GFY: variants seen among roughly 807,000 people sequenced by gnomAD.
GFY encodes Golgi-associated olfactory signaling regulator.
In GFY, 28 loss-of-function variants were observed where a neutral mutation model predicts 29.1. The ratio of observed to expected loss-of-function variants is 0.96; its 90% CI spans 0.71 to 1.32. GFY has a LOEUF of 1.32. Among genes scored for constraint, GFY ranks in the 40% most tolerant of loss-of-function variants. GFY has a pLI of 0.00. For synonymous variants in GFY, 277 were observed against 274.5 expected (o/e 1.01, Z -0.09); for missense variants, 656 against 661.9 (o/e 0.99, Z 0.10).
rs1268986957 is a variant in GFY at position 49,426,590 on chromosome 19, C to A, written c.160C>A (p.Arg54=). ...GAAGGGTGCTTCTGAAAATTCCAAACGAGATCGCCTTAACCCAGAATTTCC... is the reference window on the plus strand; with the variant it reads ...GAAGGGTGCTTCTGAAAATTCCAAAAGAGATCGCCTTAACCCAGAATTTCC... ...PLKGASENSK[R]DRLNPEFPGT... The change falls in exon 2 of 4, where the codon CGA becomes AGA. Residue 54 remains arginine (R), a synonymous_variant. Coordinates refer to ENST00000610896, the MANE Select transcript of GFY (RefSeq NM_001195256.2). The A allele has an allele frequency of 3.3e-6, 5 of 1,535,992 alleles. No homozygotes were observed. Among genetic ancestry groups the A allele is most frequent in the African/African-American group, 1.4e-5 (1 of 72,970 alleles).
chr19:49,427,062 C>T lies in GFY; in HGVS notation c.632C>T (p.Pro211Leu). 6.5e-7 allele frequency: 1 copy of T among 1,535,716 alleles called. No individual in the cohort carries two copies. The highest frequency in any genetic ancestry group is 8.7e-7 in the Non-Finnish European group (1 of 1,146,802). Residue 211 changes from proline to leucine, a missense_variant, in exon 2 of 4, where the codon CCC (proline) becomes CTC (leucine). Physicochemically the swap from Pro to Leu is moderately conservative, Grantham distance 98. Coordinates refer to ENST00000610896, the MANE Select transcript of GFY (RefSeq NM_001195256.2). ...ACTAACCCTACCAAGACCCCTGACC[C>T]CAAATCCCCAGAAAAGCATGACCTC... ...SNTNPTKTPD[P>L]KSPEKHDLNS...
chr19:49,426,272 C>A (rs1479541498), intron 1 of GFY, 138 bp from the exon 2 acceptor site: 4 of 1,371,608 alleles, frequency 2.9e-6, no homozygotes, highest in African/African-American at 1.5e-5. Context: ...CGATTGGGTT[C>A]TCTTCCCATC....
chr19:49,425,019 A>T (rs1194893998), upstream of GFY, among the ~76,000 whole-genome samples: 1 of 151,808 alleles, frequency 6.6e-6, no homozygotes, highest in Non-Finnish European at 1.5e-5. Flanking sequence ...AGGGACCCAG[A>T]TTCCTATGTT....
In GFY at chr19:49,427,220, A is replaced by G. The variant is rs1337398601; in HGVS notation, c.790A>G (p.Thr264Ala). 6.5e-7 allele frequency: 1 copy of G among 1,535,774 alleles called. No individual in the cohort carries two copies. The highest frequency in any genetic ancestry group is 8.7e-7 in the Non-Finnish European group (1 of 1,146,840). The change falls in exon 2 of 4, where the codon ACC becomes GCC. Residue 264 changes from threonine to alanine, a missense_variant. Transcript: ENST00000610896. ...TEISQTEFPT[T>A]YYQNATDVPR... ...AATTTCCCAAACAGAATTCCCCACA[A>G]CCTACTACCAAAATGCAACAGATGT...
At position 49,427,970 on chromosome 19, in the gene GFY, G is replaced by A; in HGVS notation, c.1208G>A (p.Arg403His). The change falls in exon 3 of 4, where the codon CGT (arginine) becomes CAT (histidine). Residue 403 changes from arginine to histidine, a missense_variant. Transcript: ENST00000610896. Reference protein sequence around the residue: ...ETGVTLVGRPRGAAGGALCLF... With the variant: ...ETGVTLVGRPHGAAGGALCLF... The stretch of plus-strand genomic sequence containing the variant: ...GGCGTGACTCTGGTGGGGCGACCAC[G>A]TGGCGCAGCAGGCGGGGCCCTCTGC... The A allele has an allele frequency of 6.5e-7, 1 of 1,534,916 alleles. No homozygotes were observed. The highest frequency in any genetic ancestry group is 8.7e-7 in the Non-Finnish European group (1 of 1,145,934).
chr19:49,426,347 G>A, intron 1 of GFY, 63 bp from the exon 2 acceptor site: 1 of 1,444,336 alleles, frequency 6.9e-7, no homozygotes, highest in Non-Finnish European at 9.0e-7. Flanking sequence ...GTGGCCTCCG[G>A]GAGTGGGCGG....
chr19:49,426,659 T>A lies in GFY; in HGVS notation c.229T>A (p.Ser77Thr). 2.0e-6 allele frequency: 3 copies of A among 1,535,952 alleles called. No individual in the cohort carries two copies. The highest frequency in any genetic ancestry group is 2.6e-6 in the Non-Finnish European group (3 of 1,146,842). Residue 77 changes from serine (S) to threonine (T), a missense_variant, in exon 2 of 4, where the codon TCC (serine) becomes ACC (threonine). Ser to Thr is a moderately conservative substitution (Grantham distance 58, BLOSUM62 1). Coordinates refer to ENST00000610896, the MANE Select transcript of GFY (RefSeq NM_001195256.2). The stretch of plus-strand genomic sequence containing the variant: ...GCCTTCCAAGCTACCTCATACGGTT[T>A]CCCTGGAAACCTTCCCACTTGACTT... Reference protein sequence around the residue: ...PEPSKLPHTVSLETFPLDFTE... With the variant: ...PEPSKLPHTVTLETFPLDFTE...
chr19:49,425,086 AGAGGACTGGAGTTCT>A (rs1018810105), upstream of GFY, among the ~76,000 whole-genome samples: 4 of 151,694 alleles, frequency 2.6e-5, no homozygotes, highest in African/African-American at 9.7e-5. Context: ...GGAAGGAGCT[AGAGGACTGGAGTTCT>A]GAGTCTGGGG....
rs115434553 is a variant in GFY, at chr19:49,428,516, C to T, written c.1358-103C>T. ...AAATGCAGAATCGGAATCCTCTCTCCGGCCTCCTGATCGGTCGGCCGCACA... is the reference window on the plus strand; with the variant it reads ...AAATGCAGAATCGGAATCCTCTCTCTGGCCTCCTGATCGGTCGGCCGCACA... On this transcript the variant is annotated intron_variant, in intron 3 of 3. Transcript: ENST00000610896. 4.4e-4 allele frequency: 377 copies of T among 859,312 alleles called. 1 individual carries two copies. The African/African-American group carries it at 5.6e-3, about 13-fold the overall frequency. The allele number at this position is 859,312 out of a possible 1,614,324, so 53.2% of individuals were successfully genotyped here. A position where few individuals can be genotyped will look rare whatever the true frequency, so the allele number is the denominator to read the frequency against.
Position 49,428,928 on chromosome 19 carries a change from G to A in GFY, c.*110G>A, listed in dbSNP as rs1360877102. ...CCGGATAAAGGGTCTAATATACAGA[G>A]ATGCTTGCGCTGTGATCAGAGAACA... On this transcript the variant is annotated 3_prime_UTR_variant, in exon 4 of 4. Coordinates refer to ENST00000610896, the MANE Select transcript of GFY (RefSeq NM_001195256.2). The A allele has an allele frequency of 1.3e-5, 9 of 676,926 alleles. No individual in the cohort carries two copies. The East Asian group carries it at 2.6e-4, about 20-fold the overall frequency. The allele number at this position is 676,926 out of a possible 1,614,324, so 41.9% of individuals were successfully genotyped here.
intron 1 of GFY, among the ~76,000 whole-genome samples, chr19:49,426,169 G>C (rs989641471): frequency 1.3e-5 from 2 of 152,226 alleles, no homozygotes; most frequent in African/African-American, 4.8e-5. Flanking sequence ...CGCTGAAACA[G>C]ATAAGGAAAT....
Position 49,427,168 on chromosome 19 carries a change from T to C in GFY, c.738T>C (p.His246=). Residue 246 remains histidine (H), a synonymous_variant, in exon 2 of 4, where the codon CAT becomes CAC. Coordinates refer to ENST00000610896, the MANE Select transcript of GFY (RefSeq NM_001195256.2). The part of the protein sequence containing the change: ...DPSKTPHPES[H]VTHNPSPTEI... Reference sequence around the variant, plus strand: ...CTAAAACCCCCCACCCAGAATCCCATGTGACCCACAATCCCAGCCCCACCG... The same window carrying C: ...CTAAAACCCCCCACCCAGAATCCCACGTGACCCACAATCCCAGCCCCACCG... The C allele has an allele frequency of 1.3e-6, 2 of 1,535,706 alleles. No individual in the cohort carries two copies. The highest frequency in any genetic ancestry group is 1.2e-5 in the South Asian group (1 of 84,026).
intron 1 of GFY, among the ~76,000 whole-genome samples, chr19:49,425,752 C>T (rs1008141449): frequency 6.6e-6 from 1 of 152,184 alleles, no homozygotes; most frequent in African/African-American, 2.4e-5. Flanking sequence ...AACTCAGGAA[C>T]CAAGAGCTCA....
chr19:49,424,649 G>A (rs540908674), upstream of GFY, among the ~76,000 whole-genome samples: 44 of 150,032 alleles, frequency 2.9e-4, no homozygotes, highest in African/African-American at 1.0e-3. Flanking sequence ...TCAGGAGTTC[G>A]AGACCAGACT....
At position 49,428,034 on chromosome 19, in the gene GFY, T is replaced by G; in HGVS notation, c.1272T>G (p.Phe424Leu). 6.5e-7 allele frequency: 1 copy of G among 1,536,008 alleles called. No individual in the cohort carries two copies. Among genetic ancestry groups the G allele is most frequent in the Non-Finnish European group, 8.7e-7 (1 of 1,146,782 alleles). Residue 424 changes from phenylalanine to leucine, a missense_variant, in exon 3 of 4, where the codon TTT (phenylalanine) becomes TTG (leucine). Transcript: ENST00000610896. ...GGACCGCGCTGCTGATCGGCATCTT[T>G]GTGCTGCTGTGGTGTCTTTACCGCC... is the stretch of plus-strand genomic sequence containing the variant. Reference protein sequence around the residue: ...FAGTALLIGIFVLLWCLYRRA... With the variant: ...FAGTALLIGILVLLWCLYRRA...
At position 49,428,736 on chromosome 19, in the gene GFY, A is replaced by G; in HGVS notation, c.1475A>G (p.Lys492Arg). 1 of 1,521,972 alleles carries G rather than the reference A, an allele frequency of 6.6e-7. No individual in the cohort carries two copies. 94.3% of individuals were successfully genotyped at this position (1,521,972 alleles called of 1,614,324 possible). Residue 492 changes from lysine to arginine, a missense_variant, in exon 4 of 4, where the codon AAG becomes AGG. Transcript: ENST00000610896. ...QPPPTPPLPP[K>R]LPPPPRGGRP... ...CCGCCCACACCTCCTCTGCCACCAA[A>G]GCTGCCCCCGCCGCCCCGCGGGGGT...
At position 49,426,609 on chromosome 19, in the gene GFY, A is replaced by G; in HGVS notation, c.179A>G (p.Glu60Gly). The G allele has an allele frequency of 6.5e-7, 1 of 1,535,708 alleles. No homozygotes were observed. Residue 60 changes from glutamate (E) to glycine (G), a missense_variant, in exon 2 of 4, where the codon GAA becomes GGA. By Grantham distance (98) the Glu-to-Gly change is moderately conservative. Coordinates refer to ENST00000610896, the MANE Select transcript of GFY (RefSeq NM_001195256.2). ...TCCAAACGAGATCGCCTTAACCCAG[A>G]ATTTCCTGGGACTCCTTACCCTGAG... ...ENSKRDRLNP[E>G]FPGTPYPEPS...
At position 49,425,689 on chromosome 19, in the gene GFY, G is replaced by GCCCAGAC. The variant is rs1409712486; in HGVS notation, c.-22+210_-22+216dup. 3.3e-5 allele frequency among the ~76,000 whole-genome samples: 5 copies of GCCCAGAC among 152,220 alleles called. 1 individual carries two copies. The highest frequency in any genetic ancestry group is 2.6e-4 in the Admixed American group (4 of 15,286). ...AGTCCCTACCCCTCTACTCTGCAGAGCCCAGACCCCAGACCCTATTTCTGG... is the reference window on the plus strand; with the variant it reads ...AGTCCCTACCCCTCTACTCTGCAGAGCCCAGACCCCAGACCCCAGACCCTATTTCTGG... On this transcript the variant is annotated intron_variant, in intron 1 of 3. Transcript: ENST00000610896.
rs1234341598 is a variant in GFY at position 49,427,240 on chromosome 19, A to G, written c.810A>G (p.Thr270=). 3.3e-6 allele frequency: 5 copies of G among 1,535,964 alleles called. No individual in the cohort carries two copies. The Admixed American group carries it at 9.8e-5, about 30-fold the overall frequency. ...CCACAACCTACTACCAAAATGCAAC[A>G]GATGTACCCAGGACCTCCGACCCTC... The part of the protein sequence containing the change: ...EFPTTYYQNA[T]DVPRTSDPQI... The change falls in exon 2 of 4, where the codon ACA becomes ACG. Residue 270 remains threonine (T), a synonymous_variant. Transcript: ENST00000610896.
Sources: allele counts gnomAD v4.1 joint callset (sites outside exome capture counted in the v4.1 genomes callset), GRCh38; gene constraint gnomAD v4.1.1; transcripts MANE v1.5; gene names NCBI Gene and HGNC (gene_info 2026-07-23, HGNC 2026-07-21).